The following SPTLC3 variants were observed in gnomAD, a reference collection of about 807,000 sequenced individuals.
The protein encoded by SPTLC3 is serine palmitoyltransferase long chain base subunit 3, also known as serine palmitoyltransferase 3.
SPTLC3 carries 36 observed loss-of-function variants against 59.3 expected under a neutral mutation model. The ratio of observed to expected loss-of-function variants is 0.61; its 90% CI spans 0.47 to 0.80. The LOEUF (loss-of-function observed/expected upper bound fraction) is 0.80, where lower values mean the gene tolerates loss of function less well. Among genes scored for constraint, SPTLC3 ranks in the 30% least tolerant of loss-of-function variants. The pLI is 0.00. For missense variants in SPTLC3, 625 were observed against 685.1 expected (o/e 0.91, Z 0.98); for synonymous variants, 257 against 240.8 (o/e 1.07, Z -0.62).
Position 13,168,062 on chromosome 20 carries a change from A to AAT in SPTLC3, c.*3198_*3199dup, listed in dbSNP as rs2039005692. The stretch of plus-strand genomic sequence containing the variant: ...CTTCTCTTTCTACAAAAATTGATCC[A>AAT]ATATTGAAGAACCATCTGCGATTCA... On this transcript the variant is annotated 3_prime_UTR_variant, in exon 12 of 12. Transcript: ENST00000399002. 6.6e-6 allele frequency: 1 copy of AAT among 152,118 alleles called. No homozygotes were observed. Among genetic ancestry groups the AAT allele is most frequent in the African/African-American group, 2.4e-5 (1 of 41,420 alleles). 9.4% of individuals were successfully genotyped at this position (152,118 alleles called of 1,614,324 possible). A position where few individuals can be genotyped will look rare whatever the true frequency, so the allele number is the denominator to read the frequency against.
intron 2 of SPTLC3, among the ~76,000 whole-genome samples, chr20:13,068,751 A>T (rs571068468): frequency 6.2e-5 from 2 of 32,062 alleles, no homozygotes; most frequent in Non-Finnish European, 1.5e-4. Flanking sequence ...TGAGTACTTT[A>T]AAAAAAAAAA....
chr20:13,115,973 T>C (rs1228132087), intron 7 of SPTLC3, among the ~76,000 whole-genome samples: 1 of 152,216 alleles, frequency 6.6e-6, no homozygotes, highest in Non-Finnish European at 1.5e-5. Context: ...GAAACAATTT[T>C]AACAAGCAAT....
At chr20:13,040,503 C>T (rs551919999) in intron 1 of SPTLC3, among the ~76,000 whole-genome samples, 3 of 152,082 alleles carry the variant, frequency 2.0e-5, no homozygotes, top group South Asian at 2.1e-4. Context: ...GGACCATAGG[C>T]GCAAGCCACC....
At chr20:13,151,492 C>T (rs1361587123) in intron 9 of SPTLC3, among the ~76,000 whole-genome samples, 1 of 152,146 alleles carries the variant, frequency 6.6e-6, no homozygotes, top group Non-Finnish European at 1.5e-5. Context: ...TCACAACCTG[C>T]CTGCTGGGAG....
At chr20:13,123,755 A>G (rs2037922101) in intron 8 of SPTLC3, among the ~76,000 whole-genome samples, 1 of 152,030 alleles carries the variant, frequency 6.6e-6, no homozygotes, top group Non-Finnish European at 1.5e-5. Flanking sequence ...GCATCTATCC[A>G]AATCTCCCCA....
chr20:13,037,046 C>T (rs971116911), intron 1 of SPTLC3, among the ~76,000 whole-genome samples: 1 of 152,150 alleles, frequency 6.6e-6, no homozygotes, highest in East Asian at 1.9e-4. Context: ...ATCTTTTGTG[C>T]ATTAAAAAAT....
intron 8 of SPTLC3, among the ~76,000 whole-genome samples, chr20:13,125,656 T>C (rs1231041387): frequency 6.6e-6 from 1 of 152,214 alleles, no homozygotes; most frequent in Non-Finnish European, 1.5e-5. Flanking sequence ...CTGGGGTAGC[T>C]TCAGCTGGAA....
intron 1 of SPTLC3, among the ~76,000 whole-genome samples, chr20:13,045,761 T>C (rs1478655494): frequency 2.6e-5 from 4 of 152,086 alleles, no homozygotes; most frequent in Non-Finnish European, 4.4e-5. Flanking sequence ...GGCAAGTAAA[T>C]AGTTACATAT....
At chr20:13,106,120 A>G (rs1005443090) in intron 6 of SPTLC3, among the ~76,000 whole-genome samples, 15 of 152,238 alleles carry the variant, frequency 9.9e-5, no homozygotes, top group African/African-American at 3.6e-4. Flanking sequence ...AAAACAAAAC[A>G]AAAGATACCA....
At position 13,126,730 on chromosome 20, in the gene SPTLC3, G is replaced by T. The variant is rs2038001942; in HGVS notation, c.1279+13G>T. 1 of 1,613,464 alleles carries T rather than the reference G, an allele frequency of 6.2e-7. No individual in the cohort carries two copies. The highest frequency in any genetic ancestry group is 1.3e-5 in the African/African-American group (1 of 74,906). On this transcript the variant is annotated intron_variant, in intron 9 of 11. Coordinates refer to ENST00000399002, the MANE Select transcript of SPTLC3 (RefSeq NM_018327.4). ...GGGACCACTCAAGGTAAGAGGATCT[G>T]CAGAGAGCACAGCTCCTGGACCTCT...
At chr20:13,134,818 G>A (rs971318015) in intron 9 of SPTLC3, among the ~76,000 whole-genome samples, 20 of 152,128 alleles carry the variant, frequency 1.3e-4, no homozygotes, top group African/African-American at 3.9e-4. Context: ...GAAAAAGCCC[G>A]AAAGAGAAAA....
rs987828256 is a variant in SPTLC3, at chr20:13,147,070, G to T, written c.1280-6933G>T. On this transcript the variant is annotated intron_variant, in intron 9 of 11. Transcript: ENST00000399002. ...AGCAGCTGGTGGGAGGTGGAGGCAGGGTGTTTTCCCAGAGCCCTCGAAATC... is the reference window on the plus strand; with the variant it reads ...AGCAGCTGGTGGGAGGTGGAGGCAGTGTGTTTTCCCAGAGCCCTCGAAATC... Among the ~76,000 whole-genome samples, 3 of 152,270 alleles carry T rather than the reference G, an allele frequency of 2.0e-5. No individual in the cohort carries two copies. The East Asian group carries it at 5.8e-4, about 29-fold the overall frequency.
chr20:13,102,499 T>G (rs989730726), intron 6 of SPTLC3, among the ~76,000 whole-genome samples: 5 of 152,158 alleles, frequency 3.3e-5, no homozygotes, highest in Non-Finnish European at 7.3e-5. Context: ...GAGTCTCCGT[T>G]TTTAAGCATG....
chr20:13,164,054 C>T (rs954494172), intron 11 of SPTLC3, among the ~76,000 whole-genome samples: 1 of 152,086 alleles, frequency 6.6e-6, no homozygotes, highest in Admixed American at 6.6e-5. Context: ...TCCCTCCCCA[C>T]TCCCCCCATC....
intron 1 of SPTLC3, among the ~76,000 whole-genome samples, chr20:13,011,590 T>C (rs146368898): frequency 1.3e-5 from 2 of 152,292 alleles, no homozygotes; most frequent in East Asian, 3.9e-4. Flanking sequence ...TTCCCCCTGG[T>C]CCAGCGTAGG....
chr20:13,102,655 C>T (rs1989644376), intron 6 of SPTLC3, among the ~76,000 whole-genome samples: 1 of 152,162 alleles, frequency 6.6e-6, no homozygotes, highest in Admixed American at 6.5e-5. Flanking sequence ...TGCCAGCACC[C>T]ACCTGACTGA....
intron 9 of SPTLC3, among the ~76,000 whole-genome samples, chr20:13,146,476 T>A (rs917732313): frequency 6.6e-6 from 1 of 152,304 alleles, no homozygotes; most frequent in Non-Finnish European, 1.5e-5. Context: ...CAGAAGGCCC[T>A]CAGCTTCCCA....
chr20:13,047,041 G>T (rs748833927), intron 1 of SPTLC3, among the ~76,000 whole-genome samples: 2 of 152,072 alleles, frequency 1.3e-5, no homozygotes, highest in African/African-American at 2.4e-5. Flanking sequence ...AATAAATAAG[G>T]AGGCAAGCCA....
At chr20:13,035,689 C>G (rs1291454250) in intron 1 of SPTLC3, among the ~76,000 whole-genome samples, 1 of 152,134 alleles carries the variant, frequency 6.6e-6, no homozygotes, top group African/African-American at 2.4e-5. Context: ...TCATACATGA[C>G]TATACACATG....
Sources: gnomAD v4.1 joint callset for allele counts (sites outside exome capture counted in the v4.1 genomes callset) on GRCh38, gnomAD v4.1.1 for gene constraint, MANE v1.5 for transcripts, NCBI Gene and HGNC (gene_info 2026-07-23, HGNC 2026-07-21) for gene names.